Variants in NETO2 observed in about 807,000 individuals in gnomAD.
The protein encoded by NETO2 is neuropilin and tolloid-like protein 2.
NETO2 carries 28 observed loss-of-function variants against 62.5 expected under a neutral mutation model. The observed-to-expected ratio is 0.45, with a 90% CI of 0.33 to 0.61. The LOEUF (loss-of-function observed/expected upper bound fraction) is 0.61, where lower values mean the gene tolerates loss of function less well. Among genes scored for constraint, NETO2 ranks in the 20% least tolerant of loss-of-function variants. The probability of loss-of-function intolerance (pLI) is 0.02; values close to 1 mark genes in which losing one functional copy is unlikely to be tolerated. For missense variants in NETO2, 548 were observed against 643.2 expected, an observed-to-expected ratio of 0.85 and a Z score of 1.60; for synonymous variants, 214 against 219.1, an observed-to-expected ratio of 0.98 and a Z score of 0.21.
At chr16:47,091,042 T>C (rs1325162975) in intron 7 of NETO2, among the ~76,000 whole-genome samples, 5 of 152,194 alleles carry the variant, frequency 3.3e-5, no homozygotes. Context: ...AGTTCAATAA[T>C]TTGAATTAAT....
intron 7 of NETO2, among the ~76,000 whole-genome samples, chr16:47,106,567 G>A (rs1030019176): frequency 2.0e-5 from 3 of 151,950 alleles, no homozygotes; most frequent in Non-Finnish European, 4.4e-5. Context: ...CCCACTTCTA[G>A]GAATTTATCC....
rs574176187 is a variant in NETO2 at position 47,109,651 on chromosome 16, C to T, written c.715G>A (p.Val239Ile). 1.7e-5 allele frequency: 28 copies of T among 1,614,074 alleles called. No individual in the cohort carries two copies. Among genetic ancestry groups the T allele is most frequent in the Admixed American group, 1.0e-4 (6 of 60,012 alleles). The change falls in exon 7 of 9, where the codon GTT (valine) becomes ATT (isoleucine). Residue 239 changes from valine (V) to isoleucine (I), a missense_variant. Transcript: ENST00000562435. ...GAACTGCTTCCATCATAGACTGCAA[C>T]GAAGTTTCTCTTGCATTCATTTGAG... ...EHSNECKRNF[V>I]AVYDGSSSIE...
At chr16:47,108,693 T>C (rs1412246756) in intron 7 of NETO2, among the ~76,000 whole-genome samples, 4 of 152,106 alleles carry the variant, frequency 2.6e-5, no homozygotes, top group South Asian at 2.1e-4. Flanking sequence ...CTAAAAGCAA[T>C]GTGGGAAACT....
At chr16:47,097,731 G>A (rs1201554003) in intron 7 of NETO2, among the ~76,000 whole-genome samples, 1 of 152,208 alleles carries the variant, frequency 6.6e-6, no homozygotes, top group African/African-American at 2.4e-5. Flanking sequence ...CTGACTGGGA[G>A]ATACCTCACA....
intron 6 of NETO2, among the ~76,000 whole-genome samples, chr16:47,119,521 G>A (rs1048518552): frequency 2.0e-5 from 3 of 151,482 alleles, no homozygotes; most frequent in African/African-American, 4.8e-5. Context: ...ACAAAGAGCC[G>A]ATGTCAGGCC....
chr16:47,109,615 G>A lies in NETO2; in HGVS notation c.751C>T (p.Leu251=). The change falls in exon 7 of 9, where the codon CTG becomes TTG. Residue 251 remains leucine (L), a synonymous_variant. Transcript: ENST00000562435. ...VYDGSSSIEN[L]KAKFCSTVAN... ...ACAGTGCTGCAAAACTTGGCCTTCA[G>A]GTTTTCAATAGAACTGCTTCCATCA... The A allele has an allele frequency of 6.2e-7, 1 of 1,614,082 alleles. No individual in the cohort carries two copies. Among genetic ancestry groups the A allele is most frequent in the Non-Finnish European group, 8.5e-7 (1 of 1,179,980 alleles).
At chr16:47,141,534 G>A (rs1356756954) in intron 1 of NETO2, among the ~76,000 whole-genome samples, 2 of 151,282 alleles carry the variant, frequency 1.3e-5, no homozygotes, top group African/African-American at 4.9e-5. Context: ...CTTCATTCCT[G>A]TCTTTTAATC....
At chr16:47,085,122 A>G (rs528279036) in intron 8 of NETO2, among the ~76,000 whole-genome samples, 1 of 152,310 alleles carries the variant, frequency 6.6e-6, no homozygotes, top group Non-Finnish European at 1.5e-5. Flanking sequence ...CATTACCACA[A>G]GCTGCATTTA....
chr16:47,132,300 TA>T (rs752562207), intron 1 of NETO2, among the ~76,000 whole-genome samples: 457 of 142,824 alleles, frequency 3.2e-3, no homozygotes, highest in South Asian at 8.5e-3. Context: ...TAGTTTTGTT[TA>T]AAAAAAAAAA....
Position 47,080,047 on chromosome 16 carries a change from A to G in NETO2, c.*3174T>C, listed in dbSNP as rs1963036187. On this transcript the variant is annotated 3_prime_UTR_variant, in exon 9 of 9. Coordinates refer to ENST00000562435, the MANE Select transcript of NETO2 (RefSeq NM_018092.5). ...TCTATGAAACATGACAAAGACACTG[A>G]CATAAGCGCTGTCGGGTTAAAGGAG... is the stretch of plus-strand genomic sequence containing the variant. 1 of 152,220 alleles carries G rather than the reference A, an allele frequency of 6.6e-6. No individual in the cohort carries two copies. Among genetic ancestry groups the G allele is most frequent in the Non-Finnish European group, 1.5e-5 (1 of 68,030 alleles). 9.4% of individuals were successfully genotyped at this position (152,220 alleles called of 1,614,324 possible). A position where few individuals can be genotyped will look rare whatever the true frequency, so the allele number is the denominator to read the frequency against.
At chr16:47,114,536 C>T (rs1305003137) in intron 6 of NETO2, among the ~76,000 whole-genome samples, 5 of 147,688 alleles carry the variant, frequency 3.4e-5, no homozygotes, top group East Asian at 2.0e-4. Context: ...CTGCAAGCTC[C>T]GCCTCCCGGG....
chr16:47,077,748 G>A lies in NETO2; in HGVS notation c.*5473C>T, dbSNP rs1300115325. ...GTAAGAGAACTTTTAAATAACACTT[G>A]TTTCTTGATCCTAAATAACACAAAG... On this transcript the variant is annotated 3_prime_UTR_variant, in exon 9 of 9. Transcript: ENST00000562435. 1.3e-5 allele frequency: 2 copies of A among 152,216 alleles called. No individual in the cohort carries two copies. The highest frequency in any genetic ancestry group is 3.8e-4 in the East Asian group (2 of 5,200). 9.4% of individuals were successfully genotyped at this position (152,216 alleles called of 1,614,324 possible). A position where few individuals can be genotyped will look rare whatever the true frequency, so the allele number is the denominator to read the frequency against.
chr16:47,084,344 T>C (rs1963139007), intron 8 of NETO2, among the ~76,000 whole-genome samples: 1 of 152,222 alleles, frequency 6.6e-6, no homozygotes, highest in Non-Finnish European at 1.5e-5. Flanking sequence ...AAGATATTTA[T>C]TGAACTCTTA....
At chr16:47,092,601 G>C (rs1474405219) in intron 7 of NETO2, among the ~76,000 whole-genome samples, 1 of 152,192 alleles carries the variant, frequency 6.6e-6, no homozygotes, top group Non-Finnish European at 1.5e-5. Context: ...GGAAAAATAA[G>C]AAGGCTAAAA....
intron 7 of NETO2, among the ~76,000 whole-genome samples, chr16:47,102,514 G>A (rs180811070): frequency 7.3e-5 from 11 of 151,460 alleles, no homozygotes; most frequent in East Asian, 3.9e-4. Flanking sequence ...CTACAGAATC[G>A]GAGAAAATTT....
At chr16:47,115,738 T>TATATATAC (rs1567391666) in intron 6 of NETO2, among the ~76,000 whole-genome samples, 1 of 144,470 alleles carries the variant, frequency 6.9e-6, no homozygotes, top group African/African-American at 2.6e-5. Context: ...TATACATGTA[T>TATATATAC]ATATATATAT....
Position 47,079,761 on chromosome 16 carries a change from A to C in NETO2, c.*3460T>G, listed in dbSNP as rs1469008013. The C allele has an allele frequency of 3.3e-5, 5 of 152,224 alleles. No homozygotes were observed. The East Asian group carries it at 9.6e-4, about 29-fold the overall frequency. The allele number at this position is 152,224 out of a possible 1,614,324, so 9.4% of individuals were successfully genotyped here. A position where few individuals can be genotyped will look rare whatever the true frequency, so the allele number is the denominator to read the frequency against. ...CTTCTGGGTCTAATCAGTGTGATTC[A>C]AGGCATATTATTTTTAATGTCATAT... On this transcript the variant is annotated 3_prime_UTR_variant, in exon 9 of 9. Transcript: ENST00000562435.
chr16:47,094,111 C>A (rs187416336), intron 7 of NETO2, among the ~76,000 whole-genome samples: 5 of 151,792 alleles, frequency 3.3e-5, no homozygotes, highest in Non-Finnish European at 7.4e-5. Context: ...CAGCCCTGCC[C>A]AAATGTAGAT....
At chr16:47,140,971 T>G (rs1964451133) in intron 1 of NETO2, among the ~76,000 whole-genome samples, 1 of 152,364 alleles carries the variant, frequency 6.6e-6, no homozygotes, top group Admixed American at 6.5e-5. Flanking sequence ...TTCATGAGAC[T>G]ATAATGCTTA....
Sources: allele counts gnomAD v4.1 joint callset (sites outside exome capture counted in the v4.1 genomes callset), GRCh38; gene constraint gnomAD v4.1.1; transcripts MANE v1.5; gene names NCBI Gene and HGNC (gene_info 2026-07-23, HGNC 2026-07-21).